KLKB1: variants seen among roughly 807,000 people sequenced by gnomAD.
KLKB1 encodes plasma kallikrein.
A neutral mutation model predicts 73.6 loss-of-function variants in KLKB1; 58 were observed. That is an observed-to-expected ratio of 0.79 (90% confidence interval 0.64 to 0.98). The LOEUF (loss-of-function observed/expected upper bound fraction) is 0.98. KLKB1 is among the 50% of genes least tolerant of loss of function. The pLI, the probability that KLKB1 is intolerant of heterozygous loss-of-function variation, is 0.00. For synonymous variants in KLKB1, 280 were observed against 258.1 expected (o/e 1.08, Z -0.81); for missense variants, 737 against 763.8 (o/e 0.96, Z 0.41).
Position 186,257,373 on chromosome 4 carries a change from A to G in KLKB1, c.1725+8A>G. The G allele has an allele frequency of 6.4e-7, 1 of 1,572,706 alleles. No homozygotes were observed. The stretch of plus-strand genomic sequence containing the variant: ...GGAAAAGATGCTTGTAAGGTAACTC[A>G]TGAGATTATGAAAAACACAATAGGC... On this transcript the variant is annotated splice_region_variant and intron_variant, in intron 14 of 14. Transcript: ENST00000264690.
intron 13 of KLKB1, among the ~76,000 whole-genome samples, chr4:186,257,024 T>TAA (rs55697720): frequency 6.6e-6 from 1 of 151,278 alleles, no homozygotes; most frequent in African/African-American, 2.4e-5. Flanking sequence ...TGTGTGTGTG[T>TAA]AACACTACCT....
At chr4:186,226,675 C>T (rs1737179949), upstream of KLKB1, among the ~76,000 whole-genome samples, 2 of 152,192 alleles carry the variant, frequency 1.3e-5, no homozygotes, top group Admixed American at 1.3e-4. Context: ...AGGCCTGTTC[C>T]TGAGTTTATT....
At chr4:186,247,144 A>C (rs1054882452) in intron 6 of KLKB1, among the ~76,000 whole-genome samples, 2 of 152,164 alleles carry the variant, frequency 1.3e-5, no homozygotes, top group African/African-American at 2.4e-5. Context: ...GATCTTTCTC[A>C]TGGAGCAAAG....
chr4:186,252,245 A>G (rs1264968910), intron 11 of KLKB1, 60 bp downstream of exon 11: 13 of 1,530,266 alleles, frequency 8.5e-6, no homozygotes, highest in South Asian at 2.2e-5. Context: ...TGAAGGATCT[A>G]TGATCAGCTG....
At position 186,258,310 on chromosome 4, in the gene KLKB1, T is replaced by A; in HGVS notation, c.*98T>A. 1 of 1,032,772 alleles carries A rather than the reference T, an allele frequency of 9.7e-7. No individual in the cohort carries two copies. Among genetic ancestry groups the A allele is most frequent in the Non-Finnish European group, 1.5e-6 (1 of 674,668 alleles). The allele number at this position is 1,032,772 out of a possible 1,614,324, so 64.0% of individuals were successfully genotyped here. ...CTGCAAAGCATGGAGAGTGGCATCT[T>A]CTTTGCATCCTAAGGACGAAAAACA... On this transcript the variant is annotated 3_prime_UTR_variant, in exon 15 of 15. Transcript: ENST00000264690.
chr4:186,217,314 T>C (rs1343836890), intron 2 of KLKB1, among the ~76,000 whole-genome samples: 1 of 152,136 alleles, frequency 6.6e-6, no homozygotes, highest in Non-Finnish European at 1.5e-5. Context: ...TTGTTCTTGT[T>C]TTCTGCTGAG....
At chr4:186,245,648 C>G (rs4253286) in intron 6 of KLKB1, among the ~76,000 whole-genome samples, 75,486 of 151,720 alleles carry the variant, frequency 0.5, 19,789 homozygotes, top group Non-Finnish European at 0.58. Context: ...TTTGTGTGTG[C>G]TGGAGATGTG....
chr4:186,242,457 C>T (rs1470361881), intron 6 of KLKB1, among the ~76,000 whole-genome samples: 2 of 151,852 alleles, frequency 1.3e-5, no homozygotes, highest in South Asian at 2.1e-4. Context: ...GGATTAGGGG[C>T]GGCGTGGGAA....
At chr4:186,221,149 T>A (rs1260851005) in intron 2 of KLKB1, among the ~76,000 whole-genome samples, 1 of 152,032 alleles carries the variant, frequency 6.6e-6, no homozygotes, top group Non-Finnish European at 1.5e-5. Flanking sequence ...TCCATTGTAA[T>A]CTTTCCTCCT....
chr4:186,214,437 T>C (rs1277165188), intron 2 of KLKB1, among the ~76,000 whole-genome samples: 3 of 152,238 alleles, frequency 2.0e-5, no homozygotes, highest in African/African-American at 7.2e-5. Context: ...TCTCTGGATA[T>C]GATCTTAGGT....
chr4:186,244,139 G>A (rs1216992382), intron 6 of KLKB1, among the ~76,000 whole-genome samples: 1 of 152,178 alleles, frequency 6.6e-6, no homozygotes, highest in East Asian at 1.9e-4. Flanking sequence ...GGATGAGTTA[G>A]GGAGAGCTAG....
chr4:186,246,343 A>C (rs1738349220), intron 6 of KLKB1, among the ~76,000 whole-genome samples: 3 of 148,828 alleles, frequency 2.0e-5, no homozygotes, highest in African/African-American at 7.4e-5. Flanking sequence ...GACAGATGGG[A>C]GGGAAAGAAG....
At chr4:186,244,863 A>G (rs1311800086) in intron 6 of KLKB1, among the ~76,000 whole-genome samples, 1 of 152,126 alleles carries the variant, frequency 6.6e-6, no homozygotes, top group Non-Finnish European at 1.5e-5. Flanking sequence ...GGATATTGGC[A>G]TTGAGCGGGG....
chr4:186,245,824 G>GT lies in KLKB1; in HGVS notation c.599-4407dup, dbSNP rs1402408736. ...GGAGTTTTTTTTTGTTTGTTTTTTG[G>GT]TTTTTTTTTTTTAATGTCAGGAGCT... On this transcript the variant is annotated intron_variant, in intron 6 of 14. Transcript: ENST00000264690. 1.7e-4 allele frequency among the ~76,000 whole-genome samples: 19 copies of GT among 109,992 alleles called. 1 individual carries two copies. The highest frequency in any genetic ancestry group is 2.6e-4 in the Non-Finnish European group (13 of 50,828). The allele number at this position is 109,992 out of a possible 152,430, so 72.2% of individuals were successfully genotyped here.
intron 6 of KLKB1, among the ~76,000 whole-genome samples, chr4:186,240,857 C>T (rs752555960): frequency 1.3e-4 from 20 of 152,168 alleles, no homozygotes; most frequent in Admixed American, 7.2e-4. Context: ...TGCAAACATG[C>T]TCCATTCTGT....
At chr4:186,248,454 C>A (rs1738497844) in intron 6 of KLKB1, among the ~76,000 whole-genome samples, 1 of 152,040 alleles carries the variant, frequency 6.6e-6, no homozygotes, top group South Asian at 2.1e-4. Context: ...CTTTTTTCAC[C>A]TGGCGTGTTT....
intron 6 of KLKB1, among the ~76,000 whole-genome samples, chr4:186,241,130 G>C (rs1317818997): frequency 2.0e-5 from 3 of 152,020 alleles, no homozygotes; most frequent in African/African-American, 4.8e-5. Context: ...CTGAGTACGT[G>C]GTCCCCGTTC....
Position 186,252,018 on chromosome 4 carries a change from C to T in KLKB1, c.1146C>T (p.Val382=). ...TTAGCGTCAACGCTCTCTTTTCAGTCTGCACAACAAAAACAAGCACACGCA... is the reference window on the plus strand; with the variant it reads ...TTAGCGTCAACGCTCTCTTTTCAGTTTGCACAACAAAAACAAGCACACGCA... The part of the protein sequence containing the change: ...LRLCNTGDNS[V]CTTKTSTRIV... Residue 382 remains valine (V), a splice_region_variant and synonymous_variant, in exon 11 of 15, where the codon GTC becomes GTT. Transcript: ENST00000264690. 1 of 1,614,208 alleles carries T rather than the reference C, an allele frequency of 6.2e-7. No homozygotes were observed.
chr4:186,246,092 G>T (rs979386472), intron 6 of KLKB1, among the ~76,000 whole-genome samples: 9 of 151,972 alleles, frequency 5.9e-5, no homozygotes, highest in South Asian at 2.1e-4. Flanking sequence ...TTGGGCAGGT[G>T]GGGGAGGGCT....
Sources: gnomAD v4.1 joint callset for allele counts (sites outside exome capture counted in the v4.1 genomes callset) on GRCh38, gnomAD v4.1.1 for gene constraint, MANE v1.5 for transcripts, NCBI Gene and HGNC (gene_info 2026-07-23, HGNC 2026-07-21) for gene names.